SAMMSON: variants seen among roughly 807,000 people sequenced by gnomAD.
SAMMSON encodes the protein long intergenic non-protein coding RNA 1212.
At chr3:70,200,885 A>AGCCTGTGG (rs1701230890) in intron 4 of SAMMSON, among the ~76,000 whole-genome samples, 1 of 149,142 alleles carries the variant, frequency 6.7e-6, no homozygotes, top group Non-Finnish European at 1.5e-5. Context: ...CTGAATCCAA[A>AGCCTGTGG]GCCTGTGGTC....
chr3:70,205,407 A>G (rs1167983787), intron 4 of SAMMSON: 2 of 152,142 alleles, frequency 1.3e-5, no homozygotes, highest in Non-Finnish European at 1.5e-5. Context: ...TCTGGCCTAA[A>G]GCATTCATGA....
chr3:70,326,218 T>C (rs1028093096), intron 7 of SAMMSON, among the ~76,000 whole-genome samples: 1 of 152,104 alleles, frequency 6.6e-6, no homozygotes, highest in African/African-American at 2.4e-5. Context: ...TCTCAGAGTG[T>C]AACAATTGCA....
At chr3:70,178,157 G>A (rs1249480965) in intron 4 of SAMMSON, among the ~76,000 whole-genome samples, 1 of 152,042 alleles carries the variant, frequency 6.6e-6, no homozygotes, top group Non-Finnish European at 1.5e-5. Context: ...TGTCTTATGA[G>A]GGCTCTTCAA....
intron 7 of SAMMSON, among the ~76,000 whole-genome samples, chr3:70,308,007 C>T (rs989245366): frequency 1.3e-5 from 2 of 152,152 alleles, no homozygotes; most frequent in East Asian, 1.9e-4. Flanking sequence ...TCCTAGACCA[C>T]CTTGGCCCAC....
intron 7 of SAMMSON, among the ~76,000 whole-genome samples, chr3:70,351,041 A>G (rs578142000): frequency 6.6e-6 from 1 of 152,248 alleles, no homozygotes; most frequent in East Asian, 1.9e-4. Flanking sequence ...CCTGAAATAT[A>G]TCCTATTTCA....
intron 4 of SAMMSON, among the ~76,000 whole-genome samples, chr3:70,120,881 C>T (rs1337788635): frequency 6.6e-6 from 1 of 152,070 alleles, no homozygotes; most frequent in Non-Finnish European, 1.5e-5. Flanking sequence ...GGGATGGTTT[C>T]GGGATGATTC....
intron 4 of SAMMSON, among the ~76,000 whole-genome samples, chr3:70,209,393 A>G (rs1282119762): frequency 6.6e-6 from 1 of 152,098 alleles, no homozygotes; most frequent in Non-Finnish European, 1.5e-5. Context: ...ACACGAACAC[A>G]CACAGAGTGG....
At chr3:70,148,353 C>T (rs975715943) in intron 4 of SAMMSON, among the ~76,000 whole-genome samples, 4 of 152,046 alleles carry the variant, frequency 2.6e-5, no homozygotes, top group South Asian at 2.1e-4. Context: ...AATGAAAGTA[C>T]GTTTTGTCAT....
At chr3:70,024,405 C>G (rs183223712) in intron 3 of SAMMSON, among the ~76,000 whole-genome samples, 5 of 152,120 alleles carry the variant, frequency 3.3e-5, no homozygotes, top group African/African-American at 1.2e-4. Context: ...TGATATTAGA[C>G]CAGCATTACC....
intron 2 of SAMMSON, among the ~76,000 whole-genome samples, chr3:70,412,097 G>T (rs1429252899): frequency 6.6e-6 from 1 of 152,018 alleles, no homozygotes; most frequent in Non-Finnish European, 1.5e-5. Flanking sequence ...GTTAATGAGG[G>T]GAAGCTTTTA....
chr3:70,230,330 A>G (rs573411647), intron 4 of SAMMSON, among the ~76,000 whole-genome samples: 13 of 152,200 alleles, frequency 8.5e-5, no homozygotes, highest in Non-Finnish European at 1.6e-4. Flanking sequence ...CTGCAACGAA[A>G]TTTCACTGCA....
At chr3:70,225,468 A>G (rs1284773464) in intron 4 of SAMMSON, among the ~76,000 whole-genome samples, 2 of 152,180 alleles carry the variant, frequency 1.3e-5, no homozygotes, top group Non-Finnish European at 2.9e-5. Context: ...TGTAAATCAG[A>G]TATCTACCTC....
At chr3:70,246,532 C>T (rs1157311198) in intron 4 of SAMMSON, among the ~76,000 whole-genome samples, 1 of 151,976 alleles carries the variant, frequency 6.6e-6, no homozygotes, top group African/African-American at 2.4e-5. Context: ...ACACGAGATG[C>T]ACAATTTAAT....
intron 9 of SAMMSON, among the ~76,000 whole-genome samples, chr3:70,359,899 C>T (rs1457629845): frequency 6.6e-6 from 1 of 152,046 alleles, no homozygotes; most frequent in Admixed American, 6.6e-5. Context: ...GAATGCAGAG[C>T]AGTTGTCAAG....
intron 7 of SAMMSON, among the ~76,000 whole-genome samples, chr3:70,310,627 A>G (rs974363273): frequency 1.1e-4 from 16 of 151,992 alleles, no homozygotes; most frequent in African/African-American, 3.4e-4. Context: ...CGGCCTCCCA[A>G]AGTGCTGGGA....
intron 4 of SAMMSON, among the ~76,000 whole-genome samples, chr3:70,237,709 TA>T (rs1701623912): frequency 6.6e-6 from 1 of 152,214 alleles, no homozygotes; most frequent in African/African-American, 2.4e-5. Flanking sequence ...ACACACAGAT[TA>T]TAAGCAACTC....
chr3:70,119,520 C>T (rs2067424565), intron 4 of SAMMSON, among the ~76,000 whole-genome samples: 1 of 152,076 alleles, frequency 6.6e-6, no homozygotes, highest in Admixed American at 6.6e-5. Flanking sequence ...ATGTACATTA[C>T]CTCAAAGCTG....
chr3:70,126,710 T>C (rs1255550942), intron 4 of SAMMSON: 3 of 254,320 alleles, frequency 1.2e-5, no homozygotes, highest in African/African-American at 2.3e-5. Context: ...GTTTTTGTTT[T>C]TGTTTTTGTT....
At chr3:70,131,107 G>A (rs2067480673) in intron 4 of SAMMSON, among the ~76,000 whole-genome samples, 1 of 152,136 alleles carries the variant, frequency 6.6e-6, no homozygotes, top group Non-Finnish European at 1.5e-5. Flanking sequence ...CTTAACTCAA[G>A]CCAGTTTTAA....
Sources: allele counts gnomAD v4.1 joint callset (sites outside exome capture counted in the v4.1 genomes callset), GRCh38; gene constraint gnomAD v4.1.1; transcripts MANE v1.5; gene names NCBI Gene and HGNC (gene_info 2026-07-23, HGNC 2026-07-21).